BTLA: variants seen among roughly 807,000 people sequenced by gnomAD.
The protein encoded by BTLA is B- and T-lymphocyte attenuator.
Under a neutral mutation model 25.0 loss-of-function variants are expected in BTLA, and 11 were observed. The observed-to-expected ratio is 0.44, with a 90% CI of 0.28 to 0.73. BTLA has a LOEUF of 0.73. Among genes scored for constraint, BTLA ranks in the 30% least tolerant of loss-of-function variants. BTLA has a pLI of 0.15. For synonymous variants in BTLA, 104 were observed against 119.8 expected, an observed-to-expected ratio of 0.87 and a Z score of 0.86; for missense variants, 282 against 332.8, an observed-to-expected ratio of 0.85 and a Z score of 1.19.
At chr3:112,486,443 A>G (rs1248085718) in intron 1 of BTLA, among the ~76,000 whole-genome samples, 1 of 152,204 alleles carries the variant, frequency 6.6e-6, no homozygotes. Context: ...CATGTATAAA[A>G]CCATACAAAT....
rs967802718 is a variant in BTLA at position 112,465,475 on chromosome 3, A to T, written c.*633T>A. On this transcript the variant is annotated 3_prime_UTR_variant, in exon 5 of 5. Transcript: ENST00000334529. ...TTTGCTTATCAATCTAACAGAGTAG[A>T]TATAAGCATTTGTTTGCCAGGTATG... The T allele has an allele frequency of 4.6e-5, 7 of 152,662 alleles. No homozygotes were observed. Among genetic ancestry groups the T allele is most frequent in the African/African-American group, 1.7e-4 (7 of 41,468 alleles). 9.5% of individuals were successfully genotyped at this position (152,662 alleles called of 1,614,324 possible).
At chr3:112,479,087 GA>G (rs554169038) in intron 2 of BTLA, among the ~76,000 whole-genome samples, 18 of 143,048 alleles carry the variant, frequency 1.3e-4, no homozygotes, top group South Asian at 2.2e-4. Flanking sequence ...GGGAAAAAGA[GA>G]AAAAAAAAAC....
At chr3:112,476,466 A>T (rs1015870290) in intron 2 of BTLA, among the ~76,000 whole-genome samples, 2 of 152,218 alleles carry the variant, frequency 1.3e-5, no homozygotes, top group Non-Finnish European at 2.9e-5. Flanking sequence ...CAGTTGTAAA[A>T]TGTATGCATT....
chr3:112,496,127 T>G (rs555059791), intron 1 of BTLA, among the ~76,000 whole-genome samples: 1 of 152,310 alleles, frequency 6.6e-6, no homozygotes, highest in South Asian at 2.1e-4. Flanking sequence ...TGCCTAAAAG[T>G]GGAATCCTTG....
At position 112,477,357 on chromosome 3, in the gene BTLA, GTT is replaced by G. The variant is rs71134836; in HGVS notation, c.403+2096_403+2097del. 7.9e-4 allele frequency among the ~76,000 whole-genome samples: 118 copies of G among 148,552 alleles called. No individual in the cohort carries two copies. In the East Asian group the frequency reaches 0.013, roughly 16 times the overall value. On this transcript the variant is annotated intron_variant, in intron 2 of 4. Transcript: ENST00000334529. ...CTTGCTAACACTTATTATTTTCTGT[GTT>G]TTTTTTTTTTATTCTAGTCATTCGA...
Position 112,471,194 on chromosome 3 carries a change from AG to A in BTLA, c.547+17del. 1.4e-5 allele frequency: 22 copies of A among 1,612,900 alleles called. No homozygotes were observed. Among genetic ancestry groups the A allele is most frequent in the Non-Finnish European group, 1.8e-5 (21 of 1,179,322 alleles). On this transcript the variant is annotated intron_variant, in intron 3 of 4. Coordinates refer to ENST00000334529, the MANE Select transcript of BTLA (RefSeq NM_181780.4). ...CCCAAATGTGTGGTACTGGGGGCAG[AG>A]GGAAAATAGAACCCACCTTGGTGCC... is the stretch of plus-strand genomic sequence containing the variant.
chr3:112,483,152 T>G (rs866568200), intron 1 of BTLA, among the ~76,000 whole-genome samples: 16 of 143,814 alleles, frequency 1.1e-4, no homozygotes, highest in Non-Finnish European at 4.6e-5. Context: ...TTTTTTTTTT[T>G]TTTTTTTTTT....
intron 2 of BTLA, among the ~76,000 whole-genome samples, chr3:112,472,977 T>A (rs1365518847): frequency 6.6e-6 from 1 of 152,012 alleles, no homozygotes; most frequent in Non-Finnish European, 1.5e-5. Flanking sequence ...ACAGATCTGC[T>A]GGATCAAGAA....
intron 1 of BTLA, 76 bp from the exon 2 acceptor site, chr3:112,479,845 C>A: frequency 8.0e-7 from 1 of 1,242,870 alleles, no homozygotes; most frequent in South Asian, 1.6e-5. Context: ...CAATAGTTCT[C>A]AAGCATTATT....
At chr3:112,473,924 G>A (rs1054891755) in intron 2 of BTLA, among the ~76,000 whole-genome samples, 9 of 152,148 alleles carry the variant, frequency 5.9e-5, no homozygotes, top group Non-Finnish European at 7.4e-5. Context: ...CCTTGGGGAA[G>A]TTCTTAATCT....
In BTLA at chr3:112,466,119, C is replaced by T. The variant is rs1364475226; in HGVS notation, c.859G>A (p.Val287Met). The change falls in exon 5 of 5, where the codon GTG (valine) becomes ATG (methionine). Residue 287 changes from valine to methionine, a missense_variant. By Grantham distance (21) the Val-to-Met change is conservative. Transcript: ENST00000334529. The part of the protein sequence containing the change: ...EAPTEYASIC[V>M]RS ...AGTCAGAAACAGACTTAACTCCTCA[C>T]ACATATGGATGCATATTCTGTTGGT... is the stretch of plus-strand genomic sequence containing the variant. 1 of 1,594,060 alleles carries T rather than the reference C, an allele frequency of 6.3e-7. No individual in the cohort carries two copies. The highest frequency in any genetic ancestry group is 1.7e-5 in the Admixed American group (1 of 59,356).
At chr3:112,467,251 C>G (rs1007155624) in intron 4 of BTLA, among the ~76,000 whole-genome samples, 1 of 152,182 alleles carries the variant, frequency 6.6e-6, no homozygotes, top group African/African-American at 2.4e-5. Flanking sequence ...TGAGCCACCA[C>G]TCCCGGCAAG....
chr3:112,497,017 G>T (rs914983118), intron 1 of BTLA, among the ~76,000 whole-genome samples: 2 of 152,142 alleles, frequency 1.3e-5, no homozygotes, highest in African/African-American at 4.8e-5. Context: ...CTAGGGCCAT[G>T]GCTCCCAGCC....
chr3:112,491,596 T>C (rs554925542), intron 1 of BTLA, among the ~76,000 whole-genome samples: 1 of 152,180 alleles, frequency 6.6e-6, no homozygotes, highest in Non-Finnish European at 1.5e-5. Flanking sequence ...AAGCACAAGC[T>C]CTTATCCAGT....
chr3:112,494,572 C>T (rs1291028721), intron 1 of BTLA, among the ~76,000 whole-genome samples: 1 of 152,056 alleles, frequency 6.6e-6, no homozygotes, highest in Non-Finnish European at 1.5e-5. Flanking sequence ...TACTATGCAG[C>T]CATAAAAAAG....
At chr3:112,478,568 G>A (rs998671459) in intron 2 of BTLA, among the ~76,000 whole-genome samples, 1 of 152,102 alleles carries the variant, frequency 6.6e-6, no homozygotes, top group African/African-American at 2.4e-5. Flanking sequence ...CATGCCATCT[G>A]TGAATAAAGT....
intron 3 of BTLA, 168 bp from the exon 4 acceptor site, chr3:112,469,972 C>A: frequency 1.8e-6 from 1 of 545,628 alleles, no homozygotes; most frequent in Non-Finnish European, 3.3e-6. Context: ...TCACACTGAC[C>A]AGCTCTCTCT....
At chr3:112,469,649 A>ATATATATG (rs59880426) in intron 4 of BTLA, 109 bp downstream of exon 4, 2 of 471,070 alleles carry the variant, frequency 4.2e-6, no homozygotes, top group African/African-American at 4.7e-5. Flanking sequence ...ATATATATAT[A>ATATATATG]GTACATAGAA....
At chr3:112,472,355 T>TTG (rs1559824126) in intron 2 of BTLA, among the ~76,000 whole-genome samples, 2 of 152,018 alleles carry the variant, frequency 1.3e-5, no homozygotes, top group Non-Finnish European at 2.9e-5. Flanking sequence ...TGTTGTTGTT[T>TTG]TTTTTAATTT....
Sources: allele counts gnomAD v4.1 joint callset (sites outside exome capture counted in the v4.1 genomes callset), GRCh38; gene constraint gnomAD v4.1.1; transcripts MANE v1.5; gene names NCBI Gene and HGNC (gene_info 2026-07-23, HGNC 2026-07-21).